PUS1: variants seen among roughly 807,000 people sequenced by gnomAD.
PUS1 encodes pseudouridylate synthase 1 homolog.
A neutral mutation model predicts 38.5 loss-of-function variants in PUS1; 25 were observed. The ratio of observed to expected loss-of-function variants is 0.65; its 90% CI spans 0.47 to 0.91. The LOEUF is 0.91. Among genes scored for constraint, PUS1 ranks in the 40% least tolerant of loss-of-function variants. The pLI is 0.00. For synonymous variants in PUS1, 282 were observed against 260.4 expected, an observed-to-expected ratio of 1.08 and a Z score of -0.80; for missense variants, 597 against 612.3, an observed-to-expected ratio of 0.97 and a Z score of 0.26.
chr12:131,941,050 C>G lies in PUS1; in HGVS notation c.545-242C>G, dbSNP rs151187817. Reference sequence around the variant, plus strand: ...GTATCTTCTCACTATTGGAAAATTACAATAAATGGTTGTAAATTCAGTCAC... The same window carrying G: ...GTATCTTCTCACTATTGGAAAATTAGAATAAATGGTTGTAAATTCAGTCAC... On this transcript the variant is annotated intron_variant, in intron 4 of 5. Transcript: ENST00000376649. This position sits in a 1 kb window ranked among gnomAD's most constrained non-coding sequence, Gnocchi z 4.4. 475 of 558,776 alleles carry G rather than the reference C, an allele frequency of 8.5e-4. 3 individuals carry two copies. Among genetic ancestry groups the G allele is most frequent in the African/African-American group, 7.2e-3 (384 of 53,430 alleles). 34.6% of individuals were successfully genotyped at this position (558,776 alleles called of 1,614,324 possible).
chr12:131,935,724 G>A (rs1890794917), intron 3 of PUS1, among the ~76,000 whole-genome samples: 1 of 151,692 alleles, frequency 6.6e-6, no homozygotes. Flanking sequence ...GTAGAGATGG[G>A]GTTTCTCCAT....
intron 5 of PUS1, among the ~76,000 whole-genome samples, chr12:131,942,653 G>T (rs568857111): frequency 5.9e-5 from 9 of 152,134 alleles, no homozygotes; most frequent in Non-Finnish European, 1.0e-4. Flanking sequence ...TGATCCACCC[G>T]CCTTGGCCTC....
chr12:131,938,165 C>T (rs887446662), intron 3 of PUS1, among the ~76,000 whole-genome samples: 1 of 152,060 alleles, frequency 6.6e-6, no homozygotes, highest in Non-Finnish European at 1.5e-5. Context: ...TCTCCTTGGC[C>T]GGGCATCGTT....
intron 4 of PUS1, chr12:131,940,992 G>A (rs1444554356): frequency 4.3e-6 from 2 of 463,086 alleles, no homozygotes; most frequent in South Asian, 2.6e-5. Flanking sequence ...ATCACTCCAA[G>A]CATGTATCAT....
At chr12:131,935,142 A>G (rs1890768054) in intron 3 of PUS1, among the ~76,000 whole-genome samples, 1 of 150,736 alleles carries the variant, frequency 6.6e-6, no homozygotes, top group African/African-American at 2.4e-5. Flanking sequence ...AGAGGGATCC[A>G]CAAGTTCACT....
chr12:131,929,900 T>C lies in PUS1; in HGVS notation c.75-7T>C, dbSNP rs1350169860. 1 of 1,385,584 alleles carries C rather than the reference T, an allele frequency of 7.2e-7. No homozygotes were observed. The allele number at this position is 1,385,584 out of a possible 1,614,324, so 85.8% of individuals were successfully genotyped here. On this transcript the variant is annotated splice_polypyrimidine_tract_variant and splice_region_variant and intron_variant, in intron 1 of 5. Transcript: ENST00000376649. ...CGGGCCCCCGCTCACGCCGCCCTTC[T>C]CCGCAGCTCGCCGCGCATGGCCGGG...
intron 3 of PUS1, 23 bp downstream of exon 3, chr12:131,932,335 C>T: frequency 6.2e-7 from 1 of 1,612,432 alleles, no homozygotes; most frequent in African/African-American, 1.3e-5. Context: ...CTTCTCTGCC[C>T]CTCCCCCGCT....
chr12:131,935,557 G>C (rs570788084), intron 3 of PUS1, among the ~76,000 whole-genome samples: 1 of 152,034 alleles, frequency 6.6e-6, no homozygotes. Context: ...TTTTTGAGAC[G>C]GAGTTTCACT....
intron 5 of PUS1, 32 bp from the exon 6 acceptor site, chr12:131,943,507 C>T: frequency 1.9e-6 from 3 of 1,596,648 alleles, no homozygotes; most frequent in Non-Finnish European, 2.6e-6. Flanking sequence ...AGAGTGCTTG[C>T]CTCTTATTCT....
chr12:131,941,391 G>A lies in PUS1; in HGVS notation c.644G>A (p.Arg215Gln), dbSNP rs745345996. ...ACGTTTGCCTTTGCGCACAAGGACC[G>A]GGACGTTCAGGATGAGACCTACCGC... is the stretch of plus-strand genomic sequence containing the variant. ...LPTFAFAHKD[R>Q]DVQDETYRLS... Residue 215 changes from arginine to glutamine, a missense_variant, in exon 5 of 6, where the codon CGG (arginine) becomes CAG (glutamine). Arg to Gln is a conservative substitution (Grantham distance 43). Coordinates refer to ENST00000376649, the MANE Select transcript of PUS1 (RefSeq NM_025215.6). This position sits in a 1 kb window ranked among gnomAD's most constrained non-coding sequence, Gnocchi z 4.4. The A allele has an allele frequency of 1.3e-5, 21 of 1,614,106 alleles. No homozygotes were observed. The highest frequency in any genetic ancestry group is 2.7e-5 in the African/African-American group (2 of 74,940).
In PUS1 at chr12:131,941,395, C is replaced by T. The variant is rs775597705; in HGVS notation, c.648C>T (p.Asp216=). 8.1e-6 allele frequency: 13 copies of T among 1,614,076 alleles called. No individual in the cohort carries two copies. The highest frequency in any genetic ancestry group is 5.3e-5 in the African/African-American group (4 of 74,928). The part of the protein sequence containing the change: ...PTFAFAHKDR[D]VQDETYRLSA... ...TTGCCTTTGCGCACAAGGACCGGGA[C>T]GTTCAGGATGAGACCTACCGCCTGA... Residue 216 remains aspartate (D), a synonymous_variant, in exon 5 of 6, where the codon GAC becomes GAT. Coordinates refer to ENST00000376649, the MANE Select transcript of PUS1 (RefSeq NM_025215.6). The surrounding 1 kb of genome is among the most constrained non-coding windows in gnomAD (Gnocchi z 4.4).
intron 2 of PUS1, 128 bp from the exon 3 acceptor site, chr12:131,932,047 A>G (rs1195427671): frequency 1.1e-5 from 9 of 819,496 alleles, no homozygotes; most frequent in South Asian, 1.0e-4. Flanking sequence ...GTGGCAGCTC[A>G]CACTTGTAAT....
At chr12:131,930,291 TGCTCCTGCTGCACGCGA>T (rs1476584224) in intron 2 of PUS1, among the ~76,000 whole-genome samples, 156 bp downstream of exon 2, 1 of 152,194 alleles carries the variant, frequency 6.6e-6, no homozygotes, top group Non-Finnish European at 1.5e-5. Context: ...CAGCTTTCAC[TGCTCCTGCTGCACGCGA>T]GCTCCTGCTG....
intron 5 of PUS1, 46 bp downstream of exon 5, chr12:131,942,029 T>C (rs1891101407): frequency 2.0e-6 from 3 of 1,507,852 alleles, no homozygotes; most frequent in Non-Finnish European, 2.7e-6. Context: ...CAGGCCCACA[T>C]TGTTCCCATT....
chr12:131,943,630 G>A lies in PUS1; in HGVS notation c.*44G>A, dbSNP rs1315710680. 2 of 1,538,926 alleles carry A rather than the reference G, an allele frequency of 1.3e-6. No individual in the cohort carries two copies. Among genetic ancestry groups the A allele is most frequent in the East Asian group, 4.5e-5 (2 of 44,552 alleles). On this transcript the variant is annotated 3_prime_UTR_variant, in exon 6 of 6. Transcript: ENST00000376649. ...CCAGAGTGCCTCTGAGCAGCTCACA[G>A]TGTGTGCCCAGATGTGCCACCCCTG...
Position 131,929,621 on chromosome 12 carries a change from C to T in PUS1, c.-102C>T, listed in dbSNP as rs906630245. ...GGGGTCAGAAGGAACAGGGCTGCAG[C>T]GTCAGGGTCCGAGAGGTTAGGGGTC... On this transcript the variant is annotated 5_prime_UTR_variant, in exon 1 of 6. Coordinates refer to ENST00000376649, the MANE Select transcript of PUS1 (RefSeq NM_025215.6). 3 of 986,040 alleles carry T rather than the reference C, an allele frequency of 3.0e-6. No individual in the cohort carries two copies. The highest frequency in any genetic ancestry group is 3.1e-5 in the East Asian group (1 of 31,808). The allele number at this position is 986,040 out of a possible 1,614,324, so 61.1% of individuals were successfully genotyped here.
chr12:131,943,590 G>T lies in PUS1; in HGVS notation c.*4G>T. 3 of 1,612,624 alleles carry T rather than the reference G, an allele frequency of 1.9e-6. No individual in the cohort carries two copies. The highest frequency in any genetic ancestry group is 2.5e-6 in the Non-Finnish European group (3 of 1,179,086). On this transcript the variant is annotated 3_prime_UTR_variant, in exon 6 of 6. Transcript: ENST00000376649. ...AGGGGACGGAGACACTGACTGAGGC[G>T]ATGGGAGCTGCCCACCAGAGTGCCT...
At position 131,932,171 on chromosome 12, in the gene PUS1, C is replaced by T; in HGVS notation, c.304-4C>T. On this transcript the variant is annotated splice_polypyrimidine_tract_variant and splice_region_variant and intron_variant, in intron 2 of 5. Transcript: ENST00000376649. Reference sequence around the variant, plus strand: ...TAAAATCTGTTTTTGTCTCCTTTTTCCAGAGGAATGTCGGGTCCTCACAAT... The same window carrying T: ...TAAAATCTGTTTTTGTCTCCTTTTTTCAGAGGAATGTCGGGTCCTCACAAT... 6.2e-7 allele frequency: 1 copy of T among 1,613,844 alleles called. No individual in the cohort carries two copies. Among genetic ancestry groups the T allele is most frequent in the African/African-American group, 1.3e-5 (1 of 75,040 alleles).
chr12:131,936,730 G>A (rs543905767), intron 3 of PUS1, among the ~76,000 whole-genome samples: 1 of 151,914 alleles, frequency 6.6e-6, no homozygotes, highest in Non-Finnish European at 1.5e-5. Context: ...CTCTACTAAA[G>A]ATACAAAAAT....
Sources: allele counts gnomAD v4.1 joint callset (sites outside exome capture counted in the v4.1 genomes callset), GRCh38; gene constraint gnomAD v4.1.1; non-coding constraint Gnocchi (gnomAD v3.1); transcripts MANE v1.5; gene names NCBI Gene and HGNC (gene_info 2026-07-23, HGNC 2026-07-21).